NCBP3: variants seen among roughly 807,000 people sequenced by gnomAD.
NCBP3 encodes the protein nuclear cap binding subunit 3.
A neutral mutation model predicts 75.7 loss-of-function variants in NCBP3; 20 were observed. The observed-to-expected ratio is 0.26, with a 90% CI of 0.19 to 0.38. NCBP3 has a LOEUF of 0.38. Among genes scored for constraint, NCBP3 ranks in the 10% least tolerant of loss-of-function variants. NCBP3 has a pLI of 1.00. For synonymous variants in NCBP3, 293 were observed against 290.5 expected, an observed-to-expected ratio of 1.01 and a Z score of -0.09; for missense variants, 678 against 796.9, an observed-to-expected ratio of 0.85 and a Z score of 1.80.
At chr17:3,845,948 G>A (rs1341603941) in intron 1 of NCBP3, 93 bp downstream of exon 1, 3 of 1,388,022 alleles carry the variant, frequency 2.2e-6, no homozygotes, top group East Asian at 3.0e-5. Flanking sequence ...TGACTTCCCC[G>A]GCTGGGGCTC....
chr17:3,837,240 T>G (rs1332414408), intron 3 of NCBP3, among the ~76,000 whole-genome samples: 1 of 151,832 alleles, frequency 6.6e-6, no homozygotes, highest in African/African-American at 2.4e-5. Flanking sequence ...GGCTCACACC[T>G]GTAATCCCAG....
At position 3,846,168 on chromosome 17, in the gene NCBP3, G is replaced by C; in HGVS notation, c.56C>G (p.Pro19Arg). 1.3e-6 allele frequency: 2 copies of C among 1,525,362 alleles called. No individual in the cohort carries two copies. Among genetic ancestry groups the C allele is most frequent in the Non-Finnish European group, 8.8e-7 (1 of 1,136,542 alleles). The allele number at this position is 1,525,362 out of a possible 1,614,324, so 94.5% of individuals were successfully genotyped here. Residue 19 changes from proline (P) to arginine (R), a missense_variant, in exon 1 of 13, where the codon CCG (proline) becomes CGG (arginine). By Grantham distance (103) the Pro-to-Arg change is moderately radical (BLOSUM62 -2). Around this residue, in one of 7 missense-constraint regions of NCBP3, gnomAD observed 76 missense variants for 53.8 expected, o/e 1.41. Coordinates refer to ENST00000389005, the MANE Select transcript of NCBP3 (RefSeq NM_001114118.3). This position sits in a 1 kb window ranked among gnomAD's most constrained non-coding sequence, Gnocchi z 4.6. ...CTCAGGGGACGGGAGCCCCAGGGCCGGCCCCGCCGGGGCCTCCGCCTTCAC... is the reference window on the plus strand; with the variant it reads ...CTCAGGGGACGGGAGCCCCAGGGCCCGCCCCGCCGGGGCCTCCGCCTTCAC... The part of the protein sequence containing the change: ...VSVKAEAPAG[P>R]ALGLPSPEAE...
Position 3,816,408 on chromosome 17 carries a change from A to C in NCBP3, c.1311-138T>G, listed in dbSNP as rs570444323. ...GGCCAACATTCACTTACAAATCCAT[A>C]AACTTATAATTATTTGCTTATGGAA... On this transcript the variant is annotated intron_variant, in intron 10 of 12. Transcript: ENST00000389005. 427 of 757,238 alleles carry C rather than the reference A, an allele frequency of 5.6e-4. 1 individual carries two copies. The highest frequency in any genetic ancestry group is 1.7e-3 in the Middle Eastern group (7 of 4,060). 46.9% of individuals were successfully genotyped at this position (757,238 alleles called of 1,614,324 possible). A position where few individuals can be genotyped will look rare whatever the true frequency, so the allele number is the denominator to read the frequency against.
At chr17:3,825,082 A>G (rs978785688) in intron 6 of NCBP3, 32 bp from the exon 7 acceptor site, 1 of 1,248,512 alleles carries the variant, frequency 8.0e-7, no homozygotes, top group Non-Finnish European at 1.1e-6. Context: ...TAATATAAAA[A>G]TTAAAGTCCT....
At chr17:3,831,095 G>C (rs1018754746) in intron 3 of NCBP3, among the ~76,000 whole-genome samples, 2 of 150,326 alleles carry the variant, frequency 1.3e-5, no homozygotes, top group South Asian at 4.2e-4. Context: ...ATTTTTAGTA[G>C]AGACGACGTT....
rs1204117658 is a variant in NCBP3 at position 3,807,743 on chromosome 17, C to T, written c.*5301G>A. The T allele has an allele frequency of 5.3e-5, 8 of 152,156 alleles. No homozygotes were observed. Among genetic ancestry groups the T allele is most frequent in the Non-Finnish European group, 7.3e-5 (5 of 68,032 alleles). 9.4% of individuals were successfully genotyped at this position (152,156 alleles called of 1,614,324 possible). ...CAGAGCCTCAGAGGATGGAGCCACT[C>T]CTGAGGCTGGAGGGTTTACAAACTC... On this transcript the variant is annotated 3_prime_UTR_variant, in exon 13 of 13. Transcript: ENST00000389005.
In NCBP3 at chr17:3,831,641, C is replaced by T. The variant is rs1443851362; in HGVS notation, c.356-2273G>A. On this transcript the variant is annotated intron_variant, in intron 3 of 12. Transcript: ENST00000389005. ...CTACTACCTAGCTTTATGCTTAATT[C>T]GTTATAAGATCTCAGGCACACAAAA... 2.5e-5 allele frequency among the ~76,000 whole-genome samples: 3 copies of T among 120,918 alleles called. 1 individual carries two copies. Among genetic ancestry groups the T allele is most frequent in the African/African-American group, 5.0e-5 (2 of 39,892 alleles). The allele number at this position is 120,918 out of a possible 152,430, so 79.3% of individuals were successfully genotyped here. A position where few individuals can be genotyped will look rare whatever the true frequency, so the allele number is the denominator to read the frequency against.
intron 3 of NCBP3, among the ~76,000 whole-genome samples, chr17:3,835,289 T>A (rs1057146597): frequency 2.6e-5 from 4 of 152,238 alleles, no homozygotes; most frequent in African/African-American, 9.6e-5. Flanking sequence ...AAGACCTAAG[T>A]GCTTTGGCTG....
chr17:3,820,818 C>T (rs1035041933), intron 9 of NCBP3, among the ~76,000 whole-genome samples: 6 of 151,974 alleles, frequency 3.9e-5, no homozygotes, highest in African/African-American at 1.4e-4. Flanking sequence ...GTAGTCCCAG[C>T]TACTCGGGAG....
intron 9 of NCBP3, 94 bp downstream of exon 9, chr17:3,821,155 A>G (rs1360107441): frequency 2.3e-6 from 2 of 869,038 alleles, no homozygotes; most frequent in Non-Finnish European, 1.9e-6. Flanking sequence ...AGAGAGGATG[A>G]TAAAGTTTGG....
chr17:3,821,447 G>A, intron 8 of NCBP3, 95 bp from the exon 9 acceptor site: 1 of 966,256 alleles, frequency 1.0e-6, no homozygotes, highest in South Asian at 1.4e-5. Flanking sequence ...TTTTGTGATG[G>A]AGTCTCAATC....
intron 1 of NCBP3, 92 bp from the exon 2 acceptor site, chr17:3,843,243 CTTTTTTTT>C (rs5818919): frequency 1.6e-6 from 1 of 631,304 alleles, no homozygotes; most frequent in Non-Finnish European, 2.6e-6. Flanking sequence ...TTCTTTTTTC[CTTTTTTTT>C]TTTTTTTTGT....
rs1383418971 is a variant in NCBP3 at position 3,811,985 on chromosome 17, C to G, written c.*1059G>C. 6.6e-6 allele frequency: 1 copy of G among 152,140 alleles called. No homozygotes were observed. Among genetic ancestry groups the G allele is most frequent in the Non-Finnish European group, 1.5e-5 (1 of 68,030 alleles). The allele number at this position is 152,140 out of a possible 1,614,324, so 9.4% of individuals were successfully genotyped here. A position where few individuals can be genotyped will look rare whatever the true frequency, so the allele number is the denominator to read the frequency against. ...ACGTGGGGACAGAAAGAATAAATAT[C>G]AATGTATAACTTCTAGAGTGATAAT... On this transcript the variant is annotated 3_prime_UTR_variant, in exon 13 of 13. Transcript: ENST00000389005.
At chr17:3,820,672 C>A (rs574956002) in intron 9 of NCBP3, among the ~76,000 whole-genome samples, 1 of 152,200 alleles carries the variant, frequency 6.6e-6, no homozygotes. Context: ...GTAGCTCACA[C>A]CTGTAATCCC....
intron 12 of NCBP3, 42 bp from the exon 13 acceptor site, chr17:3,813,321 AAGAACC>A: frequency 6.2e-7 from 1 of 1,609,056 alleles, no homozygotes; most frequent in Non-Finnish European, 8.5e-7. Flanking sequence ...AGTCAGCGCT[AAGAACC>A]AGGGTAGCAC....
rs571558607 is a variant in NCBP3 at position 3,830,503 on chromosome 17, A to T, written c.356-1135T>A. On this transcript the variant is annotated intron_variant, in intron 3 of 12. Transcript: ENST00000389005. Reference sequence around the variant, plus strand: ...CAGACACCCAGAAAAGGCCAATATGAGTCACACTGATAACTGCTGTTACTT... The same window carrying T: ...CAGACACCCAGAAAAGGCCAATATGTGTCACACTGATAACTGCTGTTACTT... Among the ~76,000 whole-genome samples, 5 of 152,348 alleles carry T rather than the reference A, an allele frequency of 3.3e-5. No individual in the cohort carries two copies. In the South Asian group the frequency reaches 1.0e-3, roughly 32 times the overall value.
At chr17:3,837,905 C>G (rs967344209) in intron 3 of NCBP3, among the ~76,000 whole-genome samples, 1 of 151,966 alleles carries the variant, frequency 6.6e-6, no homozygotes, top group Non-Finnish European at 1.5e-5. Flanking sequence ...GCAAGCTTCC[C>G]CAGCTGACAT....
intron 7 of NCBP3, 142 bp from the exon 8 acceptor site, chr17:3,822,194 C>A: frequency 1.6e-6 from 1 of 624,278 alleles, no homozygotes; most frequent in Non-Finnish European, 2.8e-6. Flanking sequence ...CCAACATTCA[C>A]ACTCTGAGTG....
rs948274164 is a variant in NCBP3 at position 3,808,396 on chromosome 17, G to A, written c.*4648C>T. ...GCACTGACCTTAGAACTGAATCCTG[G>A]AGAGAGCTGAGACTCTTCTGTGGCA... On this transcript the variant is annotated 3_prime_UTR_variant, in exon 13 of 13. Transcript: ENST00000389005. 5 of 152,194 alleles carry A rather than the reference G, an allele frequency of 3.3e-5. No individual in the cohort carries two copies. Among genetic ancestry groups the A allele is most frequent in the Non-Finnish European group, 1.5e-5 (1 of 68,044 alleles). The allele number at this position is 152,194 out of a possible 1,614,324, so 9.4% of individuals were successfully genotyped here.
Sources: allele counts gnomAD v4.1 joint callset (sites outside exome capture counted in the v4.1 genomes callset), GRCh38; gene constraint gnomAD v4.1.1; regional missense constraint gnomAD v4.1.1; non-coding constraint Gnocchi (gnomAD v3.1); transcripts MANE v1.5; gene names NCBI Gene and HGNC (gene_info 2026-07-23, HGNC 2026-07-21).